The following COG2 variants were observed in gnomAD, a reference collection of about 807,000 sequenced individuals.
The protein encoded by COG2 is conserved oligomeric Golgi complex subunit 2.
A neutral mutation model predicts 90.6 loss-of-function variants in COG2; 52 were observed. The ratio of observed to expected loss-of-function variants is 0.57; its 90% confidence interval spans 0.46 to 0.72. The LOEUF (loss-of-function observed/expected upper bound fraction) is 0.72, where lower values mean the gene tolerates loss of function less well. Among genes scored for constraint, COG2 ranks in the 30% least tolerant of loss-of-function variants. The pLI, the probability that COG2 is intolerant of heterozygous loss-of-function variation, is 0.00. For synonymous variants in COG2, 337 were observed against 320.4 expected (o/e 1.05, Z -0.55); for missense variants, 829 against 891.2 (o/e 0.93, Z 0.89).
chr1:230,669,235 T>C, intron 6 of COG2, 121 bp from the exon 7 acceptor site: 2 of 856,128 alleles, frequency 2.3e-6, no homozygotes, highest in East Asian at 2.5e-5. Context: ...GGAAAAGTTA[T>C]TATTTTGATT....
At chr1:230,644,500 T>C (rs1661712852) in intron 1 of COG2, among the ~76,000 whole-genome samples, 1 of 152,190 alleles carries the variant, frequency 6.6e-6, no homozygotes, top group South Asian at 2.1e-4. Context: ...TGTGAGAAAG[T>C]TGGGATATGA....
intron 8 of COG2, among the ~76,000 whole-genome samples, chr1:230,673,958 AC>A (rs1662523194): frequency 6.6e-6 from 1 of 152,208 alleles, no homozygotes; most frequent in Admixed American, 6.5e-5. Context: ...TGACATGGCA[AC>A]TTAGCTACAA....
chr1:230,678,548 TTCTC>T (rs765314375), intron 9 of COG2: 17 of 1,169,874 alleles, frequency 1.5e-5, no homozygotes, highest in Non-Finnish European at 1.8e-5. Flanking sequence ...TTCTCCTTCT[TTCTC>T]CTTTGTGAGG....
intron 1 of COG2, among the ~76,000 whole-genome samples, chr1:230,657,169 T>A (rs934037352): frequency 2.0e-5 from 3 of 149,444 alleles, no homozygotes; most frequent in African/African-American, 7.5e-5. Flanking sequence ...GTGTCAATGG[T>A]CTTTACAATT....
chr1:230,655,228 G>A (rs937321396), intron 1 of COG2, among the ~76,000 whole-genome samples: 3 of 152,196 alleles, frequency 2.0e-5, no homozygotes, highest in Non-Finnish European at 4.4e-5. Context: ...GATATTGGCT[G>A]TGGGTTTGTC....
intron 10 of COG2, chr1:230,682,715 G>A (rs983172984): frequency 1.3e-5 from 2 of 152,130 alleles, no homozygotes. Context: ...ATATCAGTTG[G>A]ATAAATTGAT....
intron 10 of COG2, 60 bp from the exon 11 acceptor site, chr1:230,683,514 A>G: frequency 1.5e-6 from 2 of 1,294,514 alleles, no homozygotes; most frequent in Non-Finnish European, 2.2e-6. Context: ...CAGAGAATGG[A>G]TAGGGAAAGG....
At position 230,663,797 on chromosome 1, in the gene COG2, A is replaced by G. The variant is rs376121280; in HGVS notation, c.381+576A>G. Among the ~76,000 whole-genome samples, 118 of 152,332 alleles carry G rather than the reference A, an allele frequency of 7.7e-4. No homozygotes were observed. In the South Asian group the frequency reaches 9.3e-3, roughly 12 times the overall value. Reference sequence around the variant, plus strand: ...TAACGTTTATTGGTATATCATGCACATGTAAATGAAGAGGACAAATATGAT... The same window carrying G: ...TAACGTTTATTGGTATATCATGCACGTGTAAATGAAGAGGACAAATATGAT... On this transcript the variant is annotated intron_variant, in intron 4 of 17. Coordinates refer to ENST00000366669, the MANE Select transcript of COG2 (RefSeq NM_007357.3).
chr1:230,646,090 T>C lies in COG2; in HGVS notation c.72+3412T>C, dbSNP rs541895620. Among the ~76,000 whole-genome samples the C allele has an allele frequency of 9.2e-5, 14 of 152,232 alleles. No homozygotes were observed. In the South Asian group the frequency reaches 2.9e-3, roughly 32 times the overall value. ...GTTATTCCCACCCTCTCCACACTTC[T>C]TCCCATTGGCTTTCAGACACACTCC... On this transcript the variant is annotated intron_variant, in intron 1 of 17. Coordinates refer to ENST00000366669, the MANE Select transcript of COG2 (RefSeq NM_007357.3).
chr1:230,664,644 CT>C, intron 5 of COG2, 57 bp downstream of exon 5: 1 of 834,656 alleles, frequency 1.2e-6, no homozygotes, highest in Non-Finnish European at 1.8e-6. Context: ...AGAGTAAAAA[CT>C]TTTTTAGTTA....
chr1:230,655,882 G>T (rs3949845), intron 1 of COG2, among the ~76,000 whole-genome samples: 2 of 152,106 alleles, frequency 1.3e-5, no homozygotes, highest in Non-Finnish European at 2.9e-5. Flanking sequence ...TAGTTTATTC[G>T]CCTAGAGGTG....
At position 230,683,430 on chromosome 1, in the gene COG2, G is replaced by A. The variant is rs1162489643; in HGVS notation, c.1167-144G>A. The A allele has an allele frequency of 8.5e-5, 34 of 401,854 alleles. 1 individual carries two copies. The highest frequency in any genetic ancestry group is 4.6e-4 in the African/African-American group (19 of 41,342). The allele number at this position is 401,854 out of a possible 1,614,324, so 24.9% of individuals were successfully genotyped here. A position where few individuals can be genotyped will look rare whatever the true frequency, so the allele number is the denominator to read the frequency against. On this transcript the variant is annotated intron_variant, in intron 10 of 17. Coordinates refer to ENST00000366669, the MANE Select transcript of COG2 (RefSeq NM_007357.3). ...CAGTTAAAAAAAAAAAAAAAAAAAA[G>A]CCTGGGAGAATAGGCATTCCGAGGC...
chr1:230,660,894 A>G (rs1662165614), intron 3 of COG2, 71 bp downstream of exon 3: 1 of 1,046,664 alleles, frequency 9.6e-7, no homozygotes, highest in Non-Finnish European at 1.4e-6. Flanking sequence ...TCCAAAAAAA[A>G]ATTCCTTTAA....
At chr1:230,669,813 A>G (rs1571953211) in intron 7 of COG2, 2 of 313,556 alleles carry the variant, frequency 6.4e-6, no homozygotes, top group East Asian at 1.1e-4. Context: ...TTTTAGGTCA[A>G]TTTTATGGGA....
intron 1 of COG2, among the ~76,000 whole-genome samples, chr1:230,659,096 A>T (rs1662125845): frequency 6.6e-6 from 1 of 152,128 alleles, no homozygotes; most frequent in Admixed American, 6.6e-5. Context: ...TCTGATGGAT[A>T]TTTTTAATAT....
chr1:230,682,729 G>A (rs1466653418), intron 10 of COG2: 1 of 152,172 alleles, frequency 6.6e-6, no homozygotes, highest in Non-Finnish European at 1.5e-5. Context: ...AATTGATATT[G>A]AGCATGCATC....
chr1:230,692,942 C>T (rs1663072799), intron 17 of COG2, among the ~76,000 whole-genome samples: 1 of 151,808 alleles, frequency 6.6e-6, no homozygotes, highest in African/African-American at 2.4e-5. Flanking sequence ...AGAGCACAGA[C>T]CAGTACTTTT....
At chr1:230,678,093 T>C in intron 9 of COG2, 1 of 985,446 alleles carries the variant, frequency 1.0e-6, no homozygotes, top group Non-Finnish European at 1.2e-6. Flanking sequence ...TGACCCTGGA[T>C]TGAGCCCCTT....
chr1:230,678,826 T>G, intron 9 of COG2, 87 bp from the exon 10 acceptor site: 1 of 1,589,006 alleles, frequency 6.3e-7, no homozygotes, highest in Middle Eastern at 1.7e-4. Context: ...GTGTTGAGCT[T>G]CTTTATCTTG....
Sources: allele counts gnomAD v4.1 joint callset (sites outside exome capture counted in the v4.1 genomes callset), GRCh38; gene constraint gnomAD v4.1.1; transcripts MANE v1.5; gene names NCBI Gene and HGNC (gene_info 2026-07-23, HGNC 2026-07-21).